The following DDAH1 variants were observed in gnomAD, a reference collection of about 807,000 sequenced individuals.
DDAH1 encodes N(G),N(G)-dimethylarginine dimethylaminohydrolase 1.
In DDAH1, 19 loss-of-function variants were observed where a neutral mutation model predicts 28.8. The ratio of observed to expected loss-of-function variants is 0.66; its 90% CI spans 0.46 to 0.97. DDAH1 has a LOEUF of 0.97. Ranked by LOEUF, DDAH1 falls within the 50% of genes least tolerant of loss-of-function variation. The pLI is 0.00. For missense variants in DDAH1, 326 were observed against 375.9 expected (o/e 0.87, Z 1.10); for synonymous variants, 153 against 154.4 (o/e 0.99, Z 0.07).
chr1:85,458,370 A>G (rs1015639933), intron 1 of DDAH1, among the ~76,000 whole-genome samples: 3 of 151,634 alleles, frequency 2.0e-5, no homozygotes, highest in Non-Finnish European at 4.4e-5. Flanking sequence ...AATGATGTAC[A>G]TTATTAAATT....
At chr1:85,325,352 CGT>C (rs962550513) in intron 4 of DDAH1, among the ~76,000 whole-genome samples, 10 of 131,046 alleles carry the variant, frequency 7.6e-5, no homozygotes, top group Non-Finnish European at 1.2e-4. Flanking sequence ...CATGCACGTG[CGT>C]GCGCGCGCGC....
At chr1:85,485,526 A>G (rs1656175087) in intron 2 of DDAH1, among the ~76,000 whole-genome samples, 1 of 152,210 alleles carries the variant, frequency 6.6e-6, no homozygotes, top group African/African-American at 2.4e-5. Flanking sequence ...AAACTTTACA[A>G]GAAATGGCAT....
chr1:85,536,657 A>T (rs1422760772), intron 1 of DDAH1, among the ~76,000 whole-genome samples: 2 of 152,206 alleles, frequency 1.3e-5, no homozygotes, highest in East Asian at 3.9e-4. Flanking sequence ...GAAAGACAAA[A>T]GAAAACAGTG....
chr1:85,396,881 A>G (rs1236690125), intron 1 of DDAH1, among the ~76,000 whole-genome samples: 1 of 151,972 alleles, frequency 6.6e-6, no homozygotes, highest in East Asian at 1.9e-4. Flanking sequence ...TAAGAAATAC[A>G]AAGAATAACC....
intron 4 of DDAH1, among the ~76,000 whole-genome samples, chr1:85,330,797 T>C (rs1468754662): frequency 1.3e-5 from 2 of 152,214 alleles, no homozygotes; most frequent in South Asian, 2.1e-4. Context: ...CAATCTTTTA[T>C]GGTACGCCCC....
At chr1:85,544,568 A>C (rs1658563569) in intron 1 of DDAH1, among the ~76,000 whole-genome samples, 2 of 152,086 alleles carry the variant, frequency 1.3e-5, no homozygotes, top group Non-Finnish European at 2.9e-5. Context: ...GACACCCAGA[A>C]GGCTTCTCTT....
intron 1 of DDAH1, among the ~76,000 whole-genome samples, chr1:85,458,026 C>T (rs1654973712): frequency 6.6e-6 from 1 of 152,174 alleles, no homozygotes; most frequent in Non-Finnish European, 1.5e-5. Flanking sequence ...TTTACTTACA[C>T]ATATTCAAAC....
intron 1 of DDAH1, among the ~76,000 whole-genome samples, chr1:85,518,437 C>A (rs2604076): frequency 6.6e-6 from 1 of 152,144 alleles, no homozygotes; most frequent in South Asian, 2.1e-4. Flanking sequence ...GTTGTAAGAC[C>A]GAGATCTCTC....
At chr1:85,571,915 C>G (rs539629979) in intron 1 of DDAH1, among the ~76,000 whole-genome samples, 1 of 151,892 alleles carries the variant, frequency 6.6e-6, no homozygotes, top group East Asian at 1.9e-4. Context: ...TTGGGCAACC[C>G]CCACCCCACC....
intron 1 of DDAH1, among the ~76,000 whole-genome samples, chr1:85,549,682 T>C (rs897839650): frequency 1.3e-5 from 2 of 152,240 alleles, no homozygotes; most frequent in African/African-American, 4.8e-5. Context: ...CCATCAGTGA[T>C]GAAGAAAGGA....
At chr1:85,383,041 C>T (rs2100912004) in intron 1 of DDAH1, among the ~76,000 whole-genome samples, 1 of 152,334 alleles carries the variant, frequency 6.6e-6, no homozygotes, top group African/African-American at 2.4e-5. Flanking sequence ...AAGATTCATT[C>T]TGCCACCCAT....
intron 1 of DDAH1, among the ~76,000 whole-genome samples, chr1:85,507,504 CAATA>C (rs773565540): frequency 2.0e-5 from 3 of 148,454 alleles, no homozygotes; most frequent in South Asian, 2.2e-4. Flanking sequence ...CCCTGCATCA[CAATA>C]AATAAATAAA....
At chr1:85,512,280 C>T (rs1033581943) in intron 1 of DDAH1, among the ~76,000 whole-genome samples, 9 of 152,152 alleles carry the variant, frequency 5.9e-5, no homozygotes, top group African/African-American at 2.2e-4. Flanking sequence ...GCAGAAAAGG[C>T]CTTTGACAAA....
At chr1:85,437,097 TC>T in intron 1 of DDAH1, among the ~76,000 whole-genome samples, 1 of 152,072 alleles carries the variant, frequency 6.6e-6, no homozygotes, top group South Asian at 2.1e-4. Context: ...CAATGCAGCT[TC>T]CACCTGGTTC....
chr1:85,444,376 T>C (rs546090266), intron 1 of DDAH1, among the ~76,000 whole-genome samples: 4 of 152,344 alleles, frequency 2.6e-5, no homozygotes, highest in African/African-American at 4.8e-5. Context: ...CACTTGATCA[T>C]GGTGGATAAG....
chr1:85,387,373 T>C lies in DDAH1; in HGVS notation c.304-28526A>G, dbSNP rs372523466. Among the ~76,000 whole-genome samples the C allele has an allele frequency of 1.3e-4, 20 of 152,340 alleles. No homozygotes were observed. In the South Asian group the frequency reaches 4.1e-3, roughly 32 times the overall value. On this transcript the variant is annotated intron_variant, in intron 1 of 5. Transcript: ENST00000284031. Reference sequence around the variant, plus strand: ...GCAGCTACACCACTTCTTGAGTGCTTTGCTGCTTAGAAATTTCTTCTACCA... The same window carrying C: ...GCAGCTACACCACTTCTTGAGTGCTCTGCTGCTTAGAAATTTCTTCTACCA...
chr1:85,343,909 T>C (rs1005964345), intron 4 of DDAH1, among the ~76,000 whole-genome samples: 5 of 152,244 alleles, frequency 3.3e-5, no homozygotes, highest in Admixed American at 2.6e-4. Flanking sequence ...GAGTGATCTC[T>C]ATTATATAGT....
intron 1 of DDAH1, chr1:85,398,531 A>G (rs7552422): frequency 0.99 from 150,305 of 152,284 alleles, 74,207 homozygotes; most frequent in East Asian, 1. Flanking sequence ...AAGAGCAAAA[A>G]TGCTAAGCTG....
At chr1:85,420,429 T>C (rs1653088704) in intron 1 of DDAH1, among the ~76,000 whole-genome samples, 1 of 152,204 alleles carries the variant, frequency 6.6e-6, no homozygotes, top group Non-Finnish European at 1.5e-5. Flanking sequence ...CATAGGCTGT[T>C]AGAAGCAACC....
Sources: allele counts gnomAD v4.1 joint callset (sites outside exome capture counted in the v4.1 genomes callset), GRCh38; gene constraint gnomAD v4.1.1; transcripts MANE v1.5; gene names NCBI Gene and HGNC (gene_info 2026-07-23, HGNC 2026-07-21).